The following LRRK1 variants were observed in gnomAD, a reference collection of about 807,000 sequenced individuals.
The protein encoded by LRRK1 is leucine-rich repeat serine/threonine-protein kinase 1.
A neutral mutation model predicts 209.1 loss-of-function variants in LRRK1; 113 were observed. That is an observed-to-expected ratio of 0.54 (90% CI 0.46 to 0.63). The LOEUF (loss-of-function observed/expected upper bound fraction) is 0.63, where lower values mean the gene tolerates loss of function less well. LRRK1 is among the 30% of genes least tolerant of loss of function. The pLI, the probability that LRRK1 is intolerant of heterozygous loss-of-function variation, is 0.00. For synonymous variants in LRRK1, 1,144 were observed against 1,099.7 expected (o/e 1.04, Z -0.80); for missense variants, 2,284 against 2,632.2 (o/e 0.87, Z 2.89).
In LRRK1 at chr15:101,065,417, C is replaced by A. The variant is rs776225160; in HGVS notation, c.4980C>A (p.Gly1660=). Residue 1660 remains glycine, a synonymous_variant, in exon 32 of 34, where the codon GGC becomes GGA. Transcript: ENST00000388948. The stretch of plus-strand genomic sequence containing the variant: ...TGGCTGTGTTTCCCGTGGTGCGGGG[C>A]ACCCCAAAGGACAGCTGCTCCTACC... ...GLVAVFPVVR[G]TPKDSCSYLC... 3.2e-5 allele frequency: 51 copies of A among 1,614,114 alleles called. 1 individual carries two copies. The South Asian group carries it at 5.2e-4, about 16-fold the overall frequency.
At chr15:100,941,288 G>GTGTGCCTGTA (rs1555458897) in intron 2 of LRRK1, among the ~76,000 whole-genome samples, 1 of 90,064 alleles carries the variant, frequency 1.1e-5, no homozygotes, top group African/African-American at 5.6e-5. Context: ...CCGTGTGTGT[G>GTGTGCCTGTA]TCTGTGTGTG....
chr15:100,964,621 G>T (rs538262475), intron 2 of LRRK1, among the ~76,000 whole-genome samples: 1 of 152,296 alleles, frequency 6.6e-6, no homozygotes, highest in Admixed American at 6.5e-5. Flanking sequence ...ACTTTTTGCT[G>T]CTCTATTGAC....
chr15:101,045,470 C>T (rs1038688699), intron 20 of LRRK1, among the ~76,000 whole-genome samples: 1 of 152,216 alleles, frequency 6.6e-6, no homozygotes, highest in Non-Finnish European at 1.5e-5. Flanking sequence ...ACAAAACAGG[C>T]CTATTCTAAC....
At chr15:101,058,173 G>T in intron 29 of LRRK1, 32 bp downstream of exon 29, 1 of 1,607,852 alleles carries the variant, frequency 6.2e-7, no homozygotes, top group East Asian at 2.2e-5. Context: ...TGCCCCCTTT[G>T]TATTTGGGGT....
chr15:101,059,664 T>TTGTAAGTAAAAG (rs2036041684), intron 29 of LRRK1, among the ~76,000 whole-genome samples: 1 of 151,924 alleles, frequency 6.6e-6, no homozygotes, highest in Admixed American at 6.6e-5. Flanking sequence ...CAGTTCTGAA[T>TTGTAAGTAAAAG]CGATTGGATA....
At chr15:100,957,034 G>T (rs2042780162) in intron 2 of LRRK1, among the ~76,000 whole-genome samples, 1 of 151,908 alleles carries the variant, frequency 6.6e-6, no homozygotes, top group Non-Finnish European at 1.5e-5. Context: ...TTTCCTTTTT[G>T]ATTTCTTCTA....
rs1309064930 is a variant in LRRK1, at chr15:100,919,765, G to A, written c.-123+314G>A. 6.6e-6 allele frequency among the ~76,000 whole-genome samples: 1 copy of A among 152,064 alleles called. No homozygotes were observed. The highest frequency in any genetic ancestry group is 1.5e-5 in the Non-Finnish European group (1 of 67,994). On this transcript the variant is annotated intron_variant, in intron 1 of 33. Coordinates refer to ENST00000388948, the MANE Select transcript of LRRK1 (RefSeq NM_024652.6). The surrounding 1 kb of genome is among the most constrained non-coding windows in gnomAD (Gnocchi z 5.8). Reference sequence around the variant, plus strand: ...CAGGGAACCCCGAAACCCCGTCCGGGCAGGGTCGGGAAAGCTGGGAAGCGG... The same window carrying A: ...CAGGGAACCCCGAAACCCCGTCCGGACAGGGTCGGGAAAGCTGGGAAGCGG...
chr15:100,968,497 T>G (rs1487028426), intron 2 of LRRK1, among the ~76,000 whole-genome samples: 2 of 152,192 alleles, frequency 1.3e-5, no homozygotes, highest in Non-Finnish European at 2.9e-5. Context: ...CACCAAGTAG[T>G]GTTGGCCTTA....
chr15:100,934,861 G>T (rs1332318361), intron 2 of LRRK1, among the ~76,000 whole-genome samples: 1 of 149,840 alleles, frequency 6.7e-6, no homozygotes, highest in Non-Finnish European at 1.5e-5. Context: ...GCTCAATGAA[G>T]CATTAGAGTA....
intron 8 of LRRK1, 25 bp downstream of exon 8, chr15:101,010,602 GAATT>G: frequency 2.5e-6 from 4 of 1,603,876 alleles, no homozygotes; most frequent in Non-Finnish European, 3.4e-6. Context: ...CAACTTGAGT[GAATT>G]AGTCATTTTC....
At chr15:101,056,113 A>G (rs1019102378) in intron 27 of LRRK1, among the ~76,000 whole-genome samples, 3 of 152,206 alleles carry the variant, frequency 2.0e-5, no homozygotes, top group Admixed American at 2.0e-4. Flanking sequence ...AAAAATTCTC[A>G]AGTCTATCTA....
intron 29 of LRRK1, among the ~76,000 whole-genome samples, chr15:101,059,747 C>T (rs527557669): frequency 6.6e-6 from 1 of 152,286 alleles, no homozygotes; most frequent in East Asian, 1.9e-4. Context: ...AAAACAAGGA[C>T]CAACCAAATG....
At chr15:101,067,318 G>T in intron 33 of LRRK1, 1 of 456,194 alleles carries the variant, frequency 2.2e-6, no homozygotes, top group Non-Finnish European at 4.4e-6. Context: ...TTGCAGTGAT[G>T]TGAGGCTGGC....
intron 2 of LRRK1, among the ~76,000 whole-genome samples, chr15:100,946,091 A>G (rs1187092094): frequency 6.6e-6 from 1 of 152,202 alleles, no homozygotes; most frequent in Non-Finnish European, 1.5e-5. Context: ...TCTTGACATA[A>G]AGGATATTTG....
chr15:101,074,307 C>CT lies in LRRK1; in HGVS notation c.*5459_*5460insT, dbSNP rs1329727824. On this transcript the variant is annotated 3_prime_UTR_variant, in exon 34 of 34. Transcript: ENST00000388948. ...TTTTATCACCTCCCCTCCTCACACC[C>CT]GGTCCGGCTTACAGTTTCCTTCCGT... 1.3e-5 allele frequency: 2 copies of CT among 152,178 alleles called. No individual in the cohort carries two copies. Among genetic ancestry groups the CT allele is most frequent in the African/African-American group, 4.8e-5 (2 of 41,432 alleles). The allele number at this position is 152,178 out of a possible 1,614,324, so 9.4% of individuals were successfully genotyped here.
intron 21 of LRRK1, among the ~76,000 whole-genome samples, chr15:101,047,453 C>T (rs541841987): frequency 6.6e-6 from 1 of 152,294 alleles, no homozygotes; most frequent in Admixed American, 6.5e-5. Flanking sequence ...GCACTAGCAT[C>T]GTGGGAGGCT....
intron 6 of LRRK1, among the ~76,000 whole-genome samples, chr15:101,006,372 TAA>T (rs56053663): frequency 8.7e-6 from 1 of 114,450 alleles, no homozygotes; most frequent in Non-Finnish European, 1.9e-5. Context: ...GACAATGTGA[TAA>T]AAAAAAAAAA....
intron 6 of LRRK1, among the ~76,000 whole-genome samples, chr15:101,002,829 G>T (rs2032764075): frequency 6.6e-6 from 1 of 152,198 alleles, no homozygotes; most frequent in Non-Finnish European, 1.5e-5. Flanking sequence ...CATCTCCCGG[G>T]TTCAAGTGAT....
Position 101,011,279 on chromosome 15 carries a change from C to T in LRRK1, c.1281+442C>T, listed in dbSNP as rs148584768. Among the ~76,000 whole-genome samples, 1,419 of 150,646 alleles carry T rather than the reference C, an allele frequency of 9.4e-3. 16 individuals are homozygous for T. Among genetic ancestry groups the T allele is most frequent in the African/African-American group, 0.032 (1,319 of 41,054 alleles). On this transcript the variant is annotated intron_variant, in intron 9 of 33. Transcript: ENST00000388948. ...GTCAGGAGATTGAGACCATCCTGGC[C>T]AACATGGTGAAACCCCGTCTCTACT...
Sources: gnomAD v4.1 joint callset for allele counts (sites outside exome capture counted in the v4.1 genomes callset) on GRCh38, gnomAD v4.1.1 for gene constraint, Gnocchi (gnomAD v3.1) non-coding constraint, MANE v1.5 for transcripts, NCBI Gene and HGNC (gene_info 2026-07-23, HGNC 2026-07-21) for gene names.